LMTK2: variants seen among roughly 807,000 people sequenced by gnomAD.
The protein encoded by LMTK2 is lemur tail kinase 2, also known as serine/threonine-protein kinase LMTK2.
In LMTK2, 37 loss-of-function variants were observed where a neutral mutation model predicts 127.5. The observed-to-expected ratio is 0.29, with a 90% CI of 0.22 to 0.38. The LOEUF (loss-of-function observed/expected upper bound fraction) is 0.38, where lower values mean the gene tolerates loss of function less well. Among genes scored for constraint, LMTK2 ranks in the 10% least tolerant of loss-of-function variants. The pLI is 1.00. For synonymous variants in LMTK2, 819 were observed against 810.1 expected (o/e 1.01, Z -0.19); for missense variants, 1,694 against 1,920.3 (o/e 0.88, Z 2.20).
In LMTK2 at chr7:98,194,029, C is replaced by T; in HGVS notation, c.3564C>T (p.Pro1188=). 3.1e-6 allele frequency: 5 copies of T among 1,614,148 alleles called. No homozygotes were observed. The highest frequency in any genetic ancestry group is 4.2e-6 in the Non-Finnish European group (5 of 1,180,030). The change falls in exon 11 of 14, where the codon CCC becomes CCT. Residue 1188 remains proline, a synonymous_variant. Transcript: ENST00000297293. This position sits in a 1 kb window ranked among gnomAD's most constrained non-coding sequence, Gnocchi z 5.4. Reference sequence around the variant, plus strand: ...CGGAGCCAGCACAGACTGGTGTTCCCCAGCAGGTGCATCCCACGGAAGACG... The same window carrying T: ...CGGAGCCAGCACAGACTGGTGTTCCTCAGCAGGTGCATCCCACGGAAGACG... ...ATPEPAQTGV[P]QQVHPTEDEA...
At chr7:98,110,022 A>G (rs776137969) in intron 1 of LMTK2, among the ~76,000 whole-genome samples, 1 of 152,092 alleles carries the variant, frequency 6.6e-6, no homozygotes, top group Non-Finnish European at 1.5e-5. Context: ...AGGAGCCTGC[A>G]CTCCTTGTGA....
rs1026270724 is a variant in LMTK2 at position 98,205,689 on chromosome 7, G to A, written c.*197G>A. On this transcript the variant is annotated 3_prime_UTR_variant, in exon 14 of 14. Coordinates refer to ENST00000297293, the MANE Select transcript of LMTK2 (RefSeq NM_014916.4). ...GGGAGCCCAGGTGCAGAGCGAGGCC[G>A]TGTCCAGGAGCCGGCGTCCCTCAGT... The A allele has an allele frequency of 6.4e-6, 4 of 626,034 alleles. No individual in the cohort carries two copies. The highest frequency in any genetic ancestry group is 3.7e-5 in the African/African-American group (2 of 54,376). 38.8% of individuals were successfully genotyped at this position (626,034 alleles called of 1,614,324 possible).
chr7:98,110,981 C>T (rs1796194653), intron 1 of LMTK2, among the ~76,000 whole-genome samples: 1 of 152,184 alleles, frequency 6.6e-6, no homozygotes, highest in Non-Finnish European at 1.5e-5. Flanking sequence ...TTAACAGCCT[C>T]TGGGAAAATT....
At chr7:98,160,252 C>T (rs1284978624) in intron 6 of LMTK2, among the ~76,000 whole-genome samples, 1 of 152,162 alleles carries the variant, frequency 6.6e-6, no homozygotes, top group East Asian at 1.9e-4. Flanking sequence ...AAAACAAATT[C>T]CCAGTTAATT....
At chr7:98,152,283 TAC>T (rs1796870413) in intron 4 of LMTK2, among the ~76,000 whole-genome samples, 1 of 152,236 alleles carries the variant, frequency 6.6e-6, no homozygotes, top group Admixed American at 6.5e-5. Flanking sequence ...ATTTCCACAG[TAC>T]TGCAGTCGTG....
chr7:98,193,756 G>C lies in LMTK2; in HGVS notation c.3291G>C (p.Gln1097His). 6.2e-7 allele frequency: 1 copy of C among 1,613,954 alleles called. No homozygotes were observed. The highest frequency in any genetic ancestry group is 2.2e-5 in the East Asian group (1 of 44,870). Residue 1097 changes from glutamine to histidine, a missense_variant, in exon 11 of 14, where the codon CAG (glutamine) becomes CAC (histidine). Around this residue, in one of 8 missense-constraint regions of LMTK2, gnomAD observed 554 missense variants for 567.7 expected, o/e 0.98. Coordinates refer to ENST00000297293, the MANE Select transcript of LMTK2 (RefSeq NM_014916.4). This position sits in a 1 kb window ranked among gnomAD's most constrained non-coding sequence, Gnocchi z 4.1. ...VTPETFTAGS[Q>H]GSYRDSAYFS... ...CTGAGACGTTCACAGCTGGCTCCCA[G>C]GGTTCATACCGAGACTCTGCGTACT...
At chr7:98,168,882 T>C (rs1165774307) in intron 6 of LMTK2, among the ~76,000 whole-genome samples, 1 of 152,220 alleles carries the variant, frequency 6.6e-6, no homozygotes, top group Non-Finnish European at 1.5e-5. Flanking sequence ...GATAAAGGAA[T>C]GTTTATTTTA....
Position 98,161,541 on chromosome 7 carries a change from T to C in LMTK2, c.657+2116T>C, listed in dbSNP as rs560849190. 2.0e-5 allele frequency among the ~76,000 whole-genome samples: 3 copies of C among 152,250 alleles called. No homozygotes were observed. In the South Asian group the frequency reaches 6.2e-4, roughly 32 times the overall value. ...CCAGTGAGAGGTGACACAGGATCAATTATTTAGTAGAGGCATGAGAACTAA... is the reference window on the plus strand; with the variant it reads ...CCAGTGAGAGGTGACACAGGATCAACTATTTAGTAGAGGCATGAGAACTAA... On this transcript the variant is annotated intron_variant, in intron 6 of 13. Transcript: ENST00000297293.
At chr7:98,136,684 C>T (rs920926925) in intron 1 of LMTK2, among the ~76,000 whole-genome samples, 2 of 152,194 alleles carry the variant, frequency 1.3e-5, no homozygotes, top group African/African-American at 2.4e-5. Context: ...ATAGGTCATG[C>T]GCCCTGCTGT....
At chr7:98,148,528 AAAAAT>A (rs1012475063) in intron 3 of LMTK2, among the ~76,000 whole-genome samples, 3 of 151,042 alleles carry the variant, frequency 2.0e-5, no homozygotes, top group African/African-American at 7.3e-5. Flanking sequence ...AATAATAAAT[AAAAAT>A]AAAAAATAAA....
At chr7:98,204,815 C>T (rs1238240685) in intron 13 of LMTK2, among the ~76,000 whole-genome samples, 1 of 152,182 alleles carries the variant, frequency 6.6e-6, no homozygotes, top group Admixed American at 6.5e-5. Context: ...CTGCATAGTC[C>T]CTCCTCCGCA....
chr7:98,138,304 G>T (rs756674841), intron 2 of LMTK2, among the ~76,000 whole-genome samples: 10 of 152,188 alleles, frequency 6.6e-5, no homozygotes, highest in Admixed American at 4.6e-4. Flanking sequence ...TCGTCTTCTG[G>T]CTAAAGCCTT....
Position 98,138,489 on chromosome 7 carries a change from C to T in LMTK2, c.231+1047C>T, listed in dbSNP as rs145185670. On this transcript the variant is annotated intron_variant, in intron 2 of 13. Transcript: ENST00000297293. ...AGAACACAGGAGGGTGGTTGGAAAA[C>T]ACTAATGGAGATCAGTTCCTTTAGA... 6.0e-4 allele frequency among the ~76,000 whole-genome samples: 92 copies of T among 152,276 alleles called. No individual in the cohort carries two copies. In the Middle Eastern group the frequency reaches 0.014, roughly 23 times the overall value.
chr7:98,128,032 T>C (rs951083102), intron 1 of LMTK2, among the ~76,000 whole-genome samples: 1 of 152,092 alleles, frequency 6.6e-6, no homozygotes, highest in African/African-American at 2.4e-5. Context: ...TAATACCAGC[T>C]ACTTGGGAGG....
At chr7:98,120,819 C>CTG (rs1003070101) in intron 1 of LMTK2, among the ~76,000 whole-genome samples, 1 of 152,134 alleles carries the variant, frequency 6.6e-6, no homozygotes, top group Non-Finnish European at 1.5e-5. Context: ...ACACTGATTG[C>CTG]TGGTAAGGCA....
At chr7:98,162,882 G>T (rs1284625309) in intron 6 of LMTK2, among the ~76,000 whole-genome samples, 2 of 152,206 alleles carry the variant, frequency 1.3e-5, no homozygotes, top group African/African-American at 4.8e-5. Flanking sequence ...GGTGGAAGTG[G>T]CCAGGTGTCC....
chr7:98,122,486 A>C (rs1279156428), intron 1 of LMTK2, among the ~76,000 whole-genome samples: 1 of 152,156 alleles, frequency 6.6e-6, no homozygotes, highest in Non-Finnish European at 1.5e-5. Context: ...CGTGTGGAAC[A>C]GTCAACAAAT....
chr7:98,121,614 A>G (rs1562896442), intron 1 of LMTK2, among the ~76,000 whole-genome samples: 1 of 151,862 alleles, frequency 6.6e-6, no homozygotes, highest in Admixed American at 6.6e-5. Context: ...AGCCTGGCAC[A>G]GAGCCAGACT....
chr7:98,107,254 C>A lies in LMTK2; in HGVS notation c.77C>A (p.Ala26Asp), dbSNP rs1222057477. The A allele has an allele frequency of 7.0e-7, 1 of 1,436,442 alleles. No individual in the cohort carries two copies. Among genetic ancestry groups the A allele is most frequent in the Non-Finnish European group, 9.1e-7 (1 of 1,100,528 alleles). The allele number at this position is 1,436,442 out of a possible 1,614,324, so 89.0% of individuals were successfully genotyped here. A position where few individuals can be genotyped will look rare whatever the true frequency, so the allele number is the denominator to read the frequency against. ...LVLLIAGSAG[A>D]APLPQTGAGE... The stretch of plus-strand genomic sequence containing the variant: ...CTCCTGATCGCCGGCAGTGCTGGGG[C>A]CGCGCCACTTCCGCAAACAGGTGCA... Residue 26 changes from alanine to aspartate, a missense_variant, in exon 1 of 14, where the codon GCC becomes GAC. By Grantham distance (126) the Ala-to-Asp change is moderately radical. Coordinates refer to ENST00000297293, the MANE Select transcript of LMTK2 (RefSeq NM_014916.4).
Sources: allele counts gnomAD v4.1 joint callset (sites outside exome capture counted in the v4.1 genomes callset), GRCh38; gene constraint gnomAD v4.1.1; regional missense constraint gnomAD v4.1.1; non-coding constraint Gnocchi (gnomAD v3.1); transcripts MANE v1.5; gene names NCBI Gene and HGNC (gene_info 2026-07-23, HGNC 2026-07-21).